Variants in NWD1 observed in about 807,000 individuals in gnomAD.
NWD1 encodes NACHT and WD repeat domain containing 1, also known as NACHT domain- and WD repeat-containing protein 1.
NWD1 carries 129 observed loss-of-function variants against 135.1 expected under a neutral mutation model. The ratio of observed to expected loss-of-function variants is 0.96; its 90% CI spans 0.83 to 1.11. The LOEUF is 1.11. NWD1 is among the 50% of genes least tolerant of loss of function. The pLI, the probability that NWD1 is intolerant of heterozygous loss-of-function variation, is 0.00. For missense variants in NWD1, 1,740 were observed against 1,851.3 expected, an observed-to-expected ratio of 0.94 and a Z score of 1.10; for synonymous variants, 773 against 786.0, an observed-to-expected ratio of 0.98 and a Z score of 0.28.
At chr19:16,738,002 A>AG (rs1568339396) in intron 4 of NWD1, among the ~76,000 whole-genome samples, 1 of 145,108 alleles carries the variant, frequency 6.9e-6, no homozygotes, top group Non-Finnish European at 1.5e-5. Flanking sequence ...AAAGAAAAGA[A>AG]AAGAAAAGAA....
At chr19:16,735,789 C>T (rs1185968954) in intron 3 of NWD1, among the ~76,000 whole-genome samples, 2 of 133,562 alleles carry the variant, frequency 1.5e-5, no homozygotes, top group Non-Finnish European at 3.1e-5. Flanking sequence ...AAGATCATGC[C>T]ACTGGAAGGA....
chr19:16,754,308 T>C (rs994906826), intron 6 of NWD1, among the ~76,000 whole-genome samples: 1 of 143,850 alleles, frequency 7.0e-6, no homozygotes, highest in Non-Finnish European at 1.5e-5. Flanking sequence ...ATCATGTCTA[T>C]CTTCCATCCA....
chr19:16,726,596 C>T lies in NWD1; in HGVS notation c.-7+2133C>T, dbSNP rs550139383. Among the ~76,000 whole-genome samples the T allele has an allele frequency of 2.0e-4, 31 of 152,214 alleles. No individual in the cohort carries two copies. In the East Asian group the frequency reaches 3.9e-3, roughly 19 times the overall value. ...CTGGGATTACAGGCCTGCGCCACCA[C>T]ACCTGGCTAATTTTTGTATTTTTCA... On this transcript the variant is annotated intron_variant, in intron 2 of 18. Transcript: ENST00000524140.
At position 16,754,026 on chromosome 19, in the gene NWD1, TATCCATCCATCC is replaced by T. The variant is rs57643593; in HGVS notation, c.1769+3633_1769+3644del. ...TTATCCATCATCTCTATCTTCCATC[TATCCATCCATCC>T]ATCCATCCATCCATCCACCCATCAT... On this transcript the variant is annotated intron_variant, in intron 6 of 18. Coordinates refer to ENST00000524140, the MANE Select transcript of NWD1 (RefSeq NM_001007525.5). 1.9e-4 allele frequency among the ~76,000 whole-genome samples: 28 copies of T among 144,814 alleles called. No individual in the cohort carries two copies. In the East Asian group the frequency reaches 5.1e-3, roughly 26 times the overall value.
intron 4 of NWD1, among the ~76,000 whole-genome samples, chr19:16,737,964 C>CGAAAAGAAAAAAGAAAA (rs1967894421): frequency 8.0e-6 from 1 of 124,540 alleles, no homozygotes; most frequent in African/African-American, 3.3e-5. Flanking sequence ...GACTCTATCT[C>CGAAAAGAAAAAAGAAAA]GAAAAGAAAA....
intron 18 of NWD1, among the ~76,000 whole-genome samples, chr19:16,812,480 C>T (rs1195805238): frequency 1.3e-5 from 2 of 151,088 alleles, no homozygotes; most frequent in African/African-American, 4.9e-5. Context: ...ACCAGCCTGG[C>T]CAACATGGTG....
chr19:16,776,665 A>G (rs1022681671), intron 11 of NWD1, among the ~76,000 whole-genome samples: 7 of 150,340 alleles, frequency 4.7e-5, no homozygotes, highest in African/African-American at 9.8e-5. Flanking sequence ...ACAGTGATTT[A>G]TGCCTATAAT....
At chr19:16,723,951 C>G (rs1437142169) in intron 1 of NWD1, among the ~76,000 whole-genome samples, 2 of 152,148 alleles carry the variant, frequency 1.3e-5, no homozygotes, top group African/African-American at 4.8e-5. Context: ...CCGCCTTGGC[C>G]TCCCAAAGTC....
Position 16,791,535 on chromosome 19 carries a change from C to T in NWD1, c.3126C>T (p.Ser1042=). The T allele has an allele frequency of 5.6e-6, 9 of 1,614,144 alleles. No individual in the cohort carries two copies. Among genetic ancestry groups the T allele is most frequent in the Non-Finnish European group, 7.6e-6 (9 of 1,180,010 alleles). Residue 1042 remains serine, a synonymous_variant, in exon 14 of 19, where the codon AGC becomes AGT. Coordinates refer to ENST00000524140, the MANE Select transcript of NWD1 (RefSeq NM_001007525.5). ...GKLQGKQHMS[S]IKEETPTCAV... ...TTCAGGGGAAGCAACATATGTCCAG[C>T]ATCAAAGAAGAAACACCTACCTGTG...
Position 16,794,412 on chromosome 19 carries a change from G to A in NWD1, c.3214-51G>A, listed in dbSNP as rs112484749. On this transcript the variant is annotated intron_variant, in intron 14 of 18. Coordinates refer to ENST00000524140, the MANE Select transcript of NWD1 (RefSeq NM_001007525.5). ...TAAAAAATTAAAAAATTCCAGACTT[G>A]TAACCCTTAACCCGTGGAAGTGCCT... 239 of 1,026,236 alleles carry A rather than the reference G, an allele frequency of 2.3e-4. 2 individuals are homozygous for A. The African/African-American group carries it at 3.5e-3, about 15-fold the overall frequency. 63.6% of individuals were successfully genotyped at this position (1,026,236 alleles called of 1,614,324 possible). A position where few individuals can be genotyped will look rare whatever the true frequency, so the allele number is the denominator to read the frequency against.
At chr19:16,731,043 A>G in intron 2 of NWD1, 149 bp from the exon 3 acceptor site, 2 of 505,560 alleles carry the variant, frequency 4.0e-6, no homozygotes, top group Non-Finnish European at 7.0e-6. Context: ...CAGGAACTCG[A>G]GACCAGCCTG....
intron 5 of NWD1, among the ~76,000 whole-genome samples, chr19:16,745,932 A>G (rs981992591): frequency 2.0e-5 from 3 of 151,918 alleles, no homozygotes; most frequent in African/African-American, 7.3e-5. Context: ...AAATAAATTA[A>G]TTAATTAAAT....
intron 3 of NWD1, among the ~76,000 whole-genome samples, chr19:16,732,638 G>A (rs1967620772): frequency 1.3e-5 from 1 of 78,754 alleles, no homozygotes; most frequent in Non-Finnish European, 2.3e-5. Context: ...GTGGATGACA[G>A]AGCAAGACTT....
At chr19:16,814,982 C>T in intron 18 of NWD1, 46 bp from the exon 19 acceptor site, 2 of 1,587,158 alleles carry the variant, frequency 1.3e-6, no homozygotes, top group Non-Finnish European at 1.7e-6. Context: ...GATTGGACCT[C>T]TACACCCCAT....
intron 1 of NWD1, among the ~76,000 whole-genome samples, chr19:16,723,575 G>T (rs1257938774): frequency 6.6e-6 from 1 of 152,142 alleles, no homozygotes; most frequent in Non-Finnish European, 1.5e-5. Flanking sequence ...GCCTCTCAAA[G>T]TGCCGAGATT....
intron 7 of NWD1, among the ~76,000 whole-genome samples, chr19:16,760,593 T>A (rs568740192): frequency 1.1e-4 from 17 of 151,790 alleles, no homozygotes; most frequent in South Asian, 6.2e-4. Context: ...TATTTAATTT[T>A]ATTTTATTAT....
intron 12 of NWD1, among the ~76,000 whole-genome samples, chr19:16,781,572 C>T (rs1969853954): frequency 6.6e-6 from 1 of 151,730 alleles, no homozygotes; most frequent in Non-Finnish European, 1.5e-5. Flanking sequence ...GCTGTGATTA[C>T]ACCACTGTAC....
intron 1 of NWD1, chr19:16,721,562 C>T (rs1022155421): frequency 1.3e-5 from 2 of 151,842 alleles, no homozygotes; most frequent in Non-Finnish European, 2.9e-5. Flanking sequence ...GATGCTGGGA[C>T]CCAGAACTGG....
intron 16 of NWD1, 52 bp downstream of exon 16, chr19:16,797,938 A>C: frequency 6.5e-7 from 1 of 1,532,944 alleles, no homozygotes; most frequent in Non-Finnish European, 8.9e-7. Context: ...GGGAACAGAC[A>C]CTGATTCTTT....
Sources: gnomAD v4.1 joint callset for allele counts (sites outside exome capture counted in the v4.1 genomes callset) on GRCh38, gnomAD v4.1.1 for gene constraint, MANE v1.5 for transcripts, NCBI Gene and HGNC (gene_info 2026-07-23, HGNC 2026-07-21) for gene names.